Variants in GPC5 observed in about 807,000 individuals in gnomAD.
GPC5 encodes glypican 5.
GPC5 carries 47 observed loss-of-function variants against 53.9 expected under a neutral mutation model. The ratio of observed to expected loss-of-function variants is 0.87; its 90% CI spans 0.69 to 1.11. The LOEUF is 1.11. Ranked by LOEUF, GPC5 falls within the 50% of genes most tolerant of loss-of-function variation. The pLI is 0.00. For synonymous variants in GPC5, 286 were observed against 263.3 expected (o/e 1.09, Z -0.84); for missense variants, 748 against 713.1 (o/e 1.05, Z -0.56).
At chr13:92,217,399 C>A (rs1285247610) in intron 7 of GPC5, among the ~76,000 whole-genome samples, 1 of 152,128 alleles carries the variant, frequency 6.6e-6, no homozygotes. Context: ...CTTCATTATC[C>A]AGTTTCTCAT....
rs541195567 is a variant in GPC5, at chr13:92,006,803, G to T, written c.1401+98746G>T. ...CAGATATAGTAGAAGTATATTCTTT[G>T]CCTAATTTTGTGAGTTTCATAGCTT... On this transcript the variant is annotated intron_variant, in intron 6 of 7. Coordinates refer to ENST00000377067, the MANE Select transcript of GPC5 (RefSeq NM_004466.6). Among the ~76,000 whole-genome samples the T allele has an allele frequency of 1.1e-4, 17 of 152,116 alleles. No individual in the cohort carries two copies. The South Asian group carries it at 1.5e-3, about 13-fold the overall frequency.
chr13:91,533,920 G>A (rs981090401), intron 2 of GPC5, among the ~76,000 whole-genome samples: 2 of 152,156 alleles, frequency 1.3e-5, no homozygotes, highest in African/African-American at 4.8e-5. Context: ...GGATATTTCA[G>A]ATGAAATATT....
At chr13:92,599,128 A>G (rs916410940) in intron 7 of GPC5, among the ~76,000 whole-genome samples, 1 of 152,214 alleles carries the variant, frequency 6.6e-6, no homozygotes, top group African/African-American at 2.4e-5. Flanking sequence ...TATTTAGTGT[A>G]GTTGTAGACC....
At chr13:92,404,226 G>A (rs529499417) in intron 7 of GPC5, among the ~76,000 whole-genome samples, 104 of 152,052 alleles carry the variant, frequency 6.8e-4, no homozygotes, top group African/African-American at 2.5e-3. Flanking sequence ...TTTGCCTTTT[G>A]ATTTTTACTC....
intron 2 of GPC5, among the ~76,000 whole-genome samples, chr13:91,523,066 G>A (rs1885911337): frequency 6.6e-6 from 1 of 152,164 alleles, no homozygotes; most frequent in South Asian, 2.1e-4. Flanking sequence ...GTTTAGGATG[G>A]CGATTATAAA....
chr13:91,819,014 T>G (rs2038445618), intron 5 of GPC5, among the ~76,000 whole-genome samples: 1 of 152,060 alleles, frequency 6.6e-6, no homozygotes, highest in African/African-American at 2.4e-5. Context: ...AACATCAAGT[T>G]AGAAGACAGC....
intron 2 of GPC5, among the ~76,000 whole-genome samples, chr13:91,591,727 C>T (rs2032807024): frequency 6.6e-6 from 1 of 152,160 alleles, no homozygotes; most frequent in Admixed American, 6.5e-5. Flanking sequence ...AGTCTATTTG[C>T]TGTTAATACT....
intron 2 of GPC5, among the ~76,000 whole-genome samples, chr13:91,535,917 A>G (rs371219913): frequency 1.3e-5 from 2 of 152,228 alleles, no homozygotes; most frequent in African/African-American, 4.8e-5. Flanking sequence ...TATTTGTGTG[A>G]ACATTGACAT....
In GPC5 at chr13:92,793,711, G is replaced by A. The variant is rs571633265; in HGVS notation, c.1562-72571G>A. ...AAATGATAAAGGGGATATCACCACC[G>A]ATCCCACAGAAATACAAACTACCAT... On this transcript the variant is annotated intron_variant, in intron 7 of 7. Coordinates refer to ENST00000377067, the MANE Select transcript of GPC5 (RefSeq NM_004466.6). Among the ~76,000 whole-genome samples the A allele has an allele frequency of 2.6e-3, 401 of 152,086 alleles. 1 individual carries two copies. Among genetic ancestry groups the A allele is most frequent in the African/African-American group, 7.3e-3 (304 of 41,506 alleles).
rs370444671 is a variant in GPC5 at position 92,753,979 on chromosome 13, C to A, written c.1562-112303C>A. ...GTTCAGATTCAGGAAATACAGAGAA[C>A]GCCACAAAGATACTCCTCAAGAAGA... is the stretch of plus-strand genomic sequence containing the variant. On this transcript the variant is annotated intron_variant, in intron 7 of 7. Transcript: ENST00000377067. 1.7e-4 allele frequency among the ~76,000 whole-genome samples: 22 copies of A among 132,986 alleles called. No individual in the cohort carries two copies. The East Asian group carries it at 2.9e-3, about 17-fold the overall frequency. The allele number at this position is 132,986 out of a possible 152,430, so 87.2% of individuals were successfully genotyped here.
chr13:91,895,840 A>G (rs1311116899), intron 5 of GPC5, among the ~76,000 whole-genome samples: 2 of 152,074 alleles, frequency 1.3e-5, no homozygotes, highest in Non-Finnish European at 1.5e-5. Flanking sequence ...GAGATCAGAA[A>G]TCTGAAATCA....
intron 7 of GPC5, among the ~76,000 whole-genome samples, chr13:92,462,558 T>C (rs1434919077): frequency 6.6e-6 from 1 of 152,240 alleles, no homozygotes; most frequent in East Asian, 1.9e-4. Flanking sequence ...TATTGAAAAT[T>C]CACGTACAGA....
At chr13:91,496,975 T>A (rs1269175108) in intron 2 of GPC5, among the ~76,000 whole-genome samples, 1 of 152,194 alleles carries the variant, frequency 6.6e-6, no homozygotes, top group Non-Finnish European at 1.5e-5. Context: ...CCCCCGTTAC[T>A]GTCTTTTTCT....
chr13:92,685,302 C>G (rs1343334729), intron 7 of GPC5, among the ~76,000 whole-genome samples: 1 of 151,948 alleles, frequency 6.6e-6, no homozygotes, highest in Non-Finnish European at 1.5e-5. Flanking sequence ...GCCACGCTGG[C>G]CAGGCTAATC....
At chr13:91,680,380 C>T (rs1470726863) in intron 2 of GPC5, among the ~76,000 whole-genome samples, 2 of 152,108 alleles carry the variant, frequency 1.3e-5, no homozygotes, top group South Asian at 2.1e-4. Context: ...ACCAGGGAGG[C>T]GGAGGTTGCA....
chr13:91,415,903 C>A (rs939736439), intron 1 of GPC5, among the ~76,000 whole-genome samples: 1 of 152,098 alleles, frequency 6.6e-6, no homozygotes, highest in African/African-American at 2.4e-5. Context: ...TCTTTTATAG[C>A]ATTTTATCAC....
At chr13:91,712,606 A>T (rs994566409) in intron 3 of GPC5, among the ~76,000 whole-genome samples, 1 of 152,150 alleles carries the variant, frequency 6.6e-6, no homozygotes, top group Admixed American at 6.6e-5. Context: ...TCCTTCATTC[A>T]CATTGGAAAA....
intron 7 of GPC5, among the ~76,000 whole-genome samples, chr13:92,252,284 T>C (rs1317798877): frequency 6.6e-6 from 1 of 152,064 alleles, no homozygotes; most frequent in Non-Finnish European, 1.5e-5. Context: ...GGATAAACAG[T>C]GGATATTTTT....
intron 7 of GPC5, among the ~76,000 whole-genome samples, chr13:92,415,498 G>A (rs1171270728): frequency 6.6e-6 from 1 of 152,164 alleles, no homozygotes; most frequent in Non-Finnish European, 1.5e-5. Flanking sequence ...CTGGATCCAT[G>A]AATTCACTCT....
Sources: gnomAD v4.1 joint callset for allele counts (sites outside exome capture counted in the v4.1 genomes callset) on GRCh38, gnomAD v4.1.1 for gene constraint, MANE v1.5 for transcripts, NCBI Gene and HGNC (gene_info 2026-07-23, HGNC 2026-07-21) for gene names.